Variants in KDM2A observed in about 807,000 individuals in gnomAD.
KDM2A encodes the protein lysine demethylase 2A, also known as lysine-specific demethylase 2A.
KDM2A carries 3 observed loss-of-function variants against 137.3 expected under a neutral mutation model. The ratio of observed to expected loss-of-function variants is 0.02; its 90% CI spans 0.01 to 0.06. The LOEUF (loss-of-function observed/expected upper bound fraction) is 0.06, where lower values mean the gene tolerates loss of function less well. KDM2A is among the 10% of genes least tolerant of loss of function. KDM2A has a pLI of 1.00. For missense variants in KDM2A, 738 were observed against 1,510.6 expected (o/e 0.49, Z 8.48); for synonymous variants, 512 against 541.5 (o/e 0.95, Z 0.76).
intron 10 of KDM2A, among the ~76,000 whole-genome samples, chr11:67,223,526 C>T (rs1858437485): frequency 6.6e-6 from 1 of 152,086 alleles, no homozygotes; most frequent in Admixed American, 6.6e-5. Context: ...CCTCAGCCTC[C>T]TGAGTAGCTG....
chr11:67,142,873 A>G (rs1856145498), intron 2 of KDM2A, among the ~76,000 whole-genome samples: 1 of 152,114 alleles, frequency 6.6e-6, no homozygotes, highest in South Asian at 2.1e-4. Context: ...ATTAACACCC[A>G]TATACCCATT....
intron 15 of KDM2A, among the ~76,000 whole-genome samples, chr11:67,247,073 T>TATATATATA (rs1859266101): frequency 2.3e-5 from 1 of 43,712 alleles, no homozygotes; most frequent in African/African-American, 1.2e-4. Flanking sequence ...ATATATATAT[T>TATATATATA]TTTTTTTTTT....
At chr11:67,222,993 G>GACC (rs1858414498) in intron 10 of KDM2A, among the ~76,000 whole-genome samples, 1 of 151,636 alleles carries the variant, frequency 6.6e-6, no homozygotes, top group Non-Finnish European at 1.5e-5. Context: ...AGGAAGTTGA[G>GACC]ACCAGCGTGA....
intron 6 of KDM2A, among the ~76,000 whole-genome samples, chr11:67,214,448 C>G (rs1032616825): frequency 6.6e-6 from 1 of 152,170 alleles, no homozygotes; most frequent in African/African-American, 2.4e-5. Flanking sequence ...TCGTGATCCA[C>G]CTGCCTCGGC....
Position 67,250,657 on chromosome 11 carries a change from C to A in KDM2A, c.2627C>A (p.Ala876Asp), listed in dbSNP as rs1331838744. The A allele has an allele frequency of 6.2e-7, 1 of 1,607,688 alleles. No individual in the cohort carries two copies. The highest frequency in any genetic ancestry group is 1.1e-5 in the South Asian group (1 of 90,372). The change falls in exon 17 of 21, where the codon GCC becomes GAC. Residue 876 changes from alanine to aspartate, a missense_variant. Physicochemically the swap from Ala to Asp is moderately radical, Grantham distance 126. Coordinates refer to ENST00000529006, the MANE Select transcript of KDM2A (RefSeq NM_012308.3). This position sits in a 1 kb window ranked among gnomAD's most constrained non-coding sequence, Gnocchi z 7.1. ...EDDSAEEGGA[A>D]RLNGRGSWAQ... The stretch of plus-strand genomic sequence containing the variant: ...GACAGTGCAGAGGAGGGGGGTGCAG[C>A]CAGGCTGAATGGCCGGGGCAGTTGG...
At chr11:67,153,247 G>A (rs1037069985) in intron 2 of KDM2A, among the ~76,000 whole-genome samples, 1 of 152,100 alleles carries the variant, frequency 6.6e-6, no homozygotes, top group Non-Finnish European at 1.5e-5. Context: ...GGCCTCCCAA[G>A]TGCTGGGATT....
intron 5 of KDM2A, among the ~76,000 whole-genome samples, chr11:67,186,167 G>A (rs936779635): frequency 6.6e-6 from 1 of 152,058 alleles, no homozygotes; most frequent in African/African-American, 2.4e-5. Flanking sequence ...CTCCAAGTAA[G>A]ATGAACTCAG....
rs929881139 is a variant in KDM2A, at chr11:67,250,983, T to C, written c.2768+185T>C. Among the ~76,000 whole-genome samples, 1 of 152,192 alleles carries C rather than the reference T, an allele frequency of 6.6e-6. No individual in the cohort carries two copies. Among genetic ancestry groups the C allele is most frequent in the African/African-American group, 2.4e-5 (1 of 41,446 alleles). On this transcript the variant is annotated intron_variant, in intron 17 of 20. Transcript: ENST00000529006. The surrounding 1 kb of genome is among the most constrained non-coding windows in gnomAD (Gnocchi z 7.1). Reference sequence around the variant, plus strand: ...AGCCTGTTGTACCCGCAGATGTCATTAGGGAACTGGCCATTTGCCTCCTGG... The same window carrying C: ...AGCCTGTTGTACCCGCAGATGTCATCAGGGAACTGGCCATTTGCCTCCTGG...
Position 67,254,732 on chromosome 11 carries a change from A to G in KDM2A, c.3308-142A>G. On this transcript the variant is annotated intron_variant, in intron 20 of 20. Transcript: ENST00000529006. The surrounding 1 kb of genome is among the most constrained non-coding windows in gnomAD (Gnocchi z 4.7). ...GGGTCCCTTTGGAGGTGCTGATGGC[A>G]CTTCTGGTCTCTGAGCCAGGTAGTT... The G allele has an allele frequency of 1.3e-6, 1 of 749,718 alleles. No individual in the cohort carries two copies. Among genetic ancestry groups the G allele is most frequent in the Non-Finnish European group, 2.2e-6 (1 of 460,512 alleles). The allele number at this position is 749,718 out of a possible 1,614,324, so 46.4% of individuals were successfully genotyped here. A position where few individuals can be genotyped will look rare whatever the true frequency, so the allele number is the denominator to read the frequency against.
At chr11:67,163,292 A>T (rs1296032089) in intron 2 of KDM2A, among the ~76,000 whole-genome samples, 1 of 152,192 alleles carries the variant, frequency 6.6e-6, no homozygotes, top group Admixed American at 6.6e-5. Context: ...GCCACTTCAT[A>T]TTAAATCGGT....
intron 2 of KDM2A, among the ~76,000 whole-genome samples, chr11:67,123,021 C>T (rs916978644): frequency 4.6e-5 from 7 of 151,796 alleles, no homozygotes; most frequent in Admixed American, 4.0e-4. Context: ...CCCAGGGTGA[C>T]GTTCAGTGAT....
chr11:67,206,413 A>G (rs562784984), intron 5 of KDM2A, among the ~76,000 whole-genome samples: 1 of 152,264 alleles, frequency 6.6e-6, no homozygotes, highest in South Asian at 2.1e-4. Flanking sequence ...AGCCTGGGTG[A>G]CACAGCGAGA....
At chr11:67,175,875 T>C (rs1211921943) in intron 2 of KDM2A, among the ~76,000 whole-genome samples, 1 of 152,212 alleles carries the variant, frequency 6.6e-6, no homozygotes, top group Non-Finnish European at 1.5e-5. Context: ...TGCTTTATAA[T>C]GTGCTTGGAA....
At chr11:67,233,337 G>C (rs1858772592) in intron 12 of KDM2A, among the ~76,000 whole-genome samples, 1 of 147,208 alleles carries the variant, frequency 6.8e-6, no homozygotes, top group African/African-American at 2.5e-5. Context: ...TGGCCAACAT[G>C]GTGAAACCCC....
chr11:67,253,716 AAGAAT>A, intron 19 of KDM2A, 105 bp downstream of exon 19: 2 of 1,179,824 alleles, frequency 1.7e-6, no homozygotes, highest in Non-Finnish European at 2.4e-6. Context: ...GACGCTGTGG[AAGAAT>A]AGAAGAGCAC....
At chr11:67,187,681 C>T (rs1049587698) in intron 5 of KDM2A, among the ~76,000 whole-genome samples, 1 of 152,072 alleles carries the variant, frequency 6.6e-6, no homozygotes, top group Non-Finnish European at 1.5e-5. Flanking sequence ...TCAAGCGATT[C>T]TCCTGCCTCA....
In KDM2A at chr11:67,177,452, G is replaced by C. The variant is rs186762528; in HGVS notation, c.43-2627G>C. On this transcript the variant is annotated intron_variant, in intron 2 of 20. Transcript: ENST00000529006. ...ATTCTATAAGCTTTTGTCTACTAAA[G>C]TTTTTTTTTTAACTTTTTAAACTTT... Among the ~76,000 whole-genome samples, 909 of 148,944 alleles carry C rather than the reference G, an allele frequency of 6.1e-3. 13 individuals carry two copies. The highest frequency in any genetic ancestry group is 0.021 in the African/African-American group (855 of 40,666).
In KDM2A at chr11:67,250,233, A is replaced by G. The variant is rs971650008; in HGVS notation, c.2203A>G (p.Met735Val). ...LIHDPVSPRGMVTRSSPGAGP... is the reference protein window; with the variant it reads ...LIHDPVSPRGVVTRSSPGAGP... ...CCATGACCCGGTTTCCCCCCGGGGT[A>G]TGGTGACTCGGTCATCCCCTGGGGC... Residue 735 changes from methionine to valine, a missense_variant, in exon 17 of 21, where the codon ATG becomes GTG. Transcript: ENST00000529006. The surrounding 1 kb of genome is among the most constrained non-coding windows in gnomAD (Gnocchi z 7.1). 3.7e-6 allele frequency: 6 copies of G among 1,613,850 alleles called. No homozygotes were observed. The highest frequency in any genetic ancestry group is 5.1e-6 in the Non-Finnish European group (6 of 1,179,850).
chr11:67,210,324 T>C (rs1857942605), intron 6 of KDM2A, among the ~76,000 whole-genome samples: 1 of 151,974 alleles, frequency 6.6e-6, no homozygotes, highest in African/African-American at 2.4e-5. Flanking sequence ...TAATAAGACC[T>C]TGTTTCTACT....
Sources: allele counts gnomAD v4.1 joint callset (sites outside exome capture counted in the v4.1 genomes callset), GRCh38; gene constraint gnomAD v4.1.1; non-coding constraint Gnocchi (gnomAD v3.1); transcripts MANE v1.5; gene names NCBI Gene and HGNC (gene_info 2026-07-23, HGNC 2026-07-21).